GAS1: variants seen among roughly 807,000 people sequenced by gnomAD.
GAS1 encodes growth arrest-specific protein 1.
GAS1 carries 10 observed loss-of-function variants against 21.6 expected under a neutral mutation model. The observed-to-expected ratio is 0.46, with a 90% confidence interval of 0.29 to 0.79. The LOEUF (loss-of-function observed/expected upper bound fraction) is 0.79, where lower values mean the gene tolerates loss of function less well. Ranked by LOEUF, GAS1 falls within the 30% of genes least tolerant of loss-of-function variation. The probability of loss-of-function intolerance (pLI) is 0.10; values close to 1 mark genes in which losing one functional copy is unlikely to be tolerated. For synonymous variants in GAS1, 332 were observed against 264.0 expected, an observed-to-expected ratio of 1.26 and a Z score of -2.50; for missense variants, 567 against 544.3, an observed-to-expected ratio of 1.04 and a Z score of -0.42.
Position 86,945,997 on chromosome 9 carries a change from C to G in GAS1, c.783G>C (p.Leu261=), listed in dbSNP as rs1434021740. ...GPGSSGSDGG[L]DDYYDEDYDD... is the part of the protein sequence containing the mutation. ...CGTAGTCCTCATCGTAGTAGTCGTC[C>G]AGGCCCCCGTCCGAGCCGCTGCTGC... The change falls in exon 1 of 1, where the codon CTG becomes CTC. Residue 261 remains leucine, a synonymous_variant. Coordinates refer to ENST00000298743, the MANE Select transcript of GAS1 (RefSeq NM_002048.3). The G allele has an allele frequency of 6.2e-7, 1 of 1,608,074 alleles. No individual in the cohort carries two copies. The highest frequency in any genetic ancestry group is 8.5e-7 in the Non-Finnish European group (1 of 1,179,204).
In GAS1 at chr9:86,945,931, C is replaced by T; in HGVS notation, c.849G>A (p.Pro283=). Residue 283 remains proline, a synonymous_variant, in exon 1 of 1, where the codon CCG becomes CCA. Coordinates refer to ENST00000298743, the MANE Select transcript of GAS1 (RefSeq NM_002048.3). ...QRTGGAGGEQ[P]LDDDDGVPHP... is the part of the protein sequence containing the mutation. Reference sequence around the variant, plus strand: ...GCGGGACGCCGTCGTCGTCGTCCAGCGGCTGCTCACCACCCGCGCCCCCGG... The same window carrying T: ...GCGGGACGCCGTCGTCGTCGTCCAGTGGCTGCTCACCACCCGCGCCCCCGG... 6.3e-7 allele frequency: 1 copy of T among 1,583,372 alleles called. No individual in the cohort carries two copies. The highest frequency in any genetic ancestry group is 8.6e-7 in the Non-Finnish European group (1 of 1,167,900).
chr9:86,945,973 G>A lies in GAS1; in HGVS notation c.807C>T (p.Tyr269=), dbSNP rs1370910767. 2 of 1,606,274 alleles carry A rather than the reference G, an allele frequency of 1.2e-6. No individual in the cohort carries two copies. Among genetic ancestry groups the A allele is most frequent in the Admixed American group, 1.7e-5 (1 of 59,774 alleles). Residue 269 remains tyrosine (Y), a synonymous_variant, in exon 1 of 1, where the codon TAC becomes TAT. Transcript: ENST00000298743. ...CGCCCCCGGTGCGCTGCTCGTCATCGTAGTCCTCATCGTAGTAGTCGTCCA... is the reference window on the plus strand; with the variant it reads ...CGCCCCCGGTGCGCTGCTCGTCATCATAGTCCTCATCGTAGTAGTCGTCCA... ...GGLDDYYDED[Y]DDEQRTGGAG...
chr9:86,946,702 C>T lies in GAS1; in HGVS notation c.78G>A (p.Ala26=). 1 of 1,403,446 alleles carries T rather than the reference C, an allele frequency of 7.1e-7. No homozygotes were observed. The highest frequency in any genetic ancestry group is 9.3e-7 in the Non-Finnish European group (1 of 1,075,910). 86.9% of individuals were successfully genotyped at this position (1,403,446 alleles called of 1,614,324 possible). ...GCGCCGAGCCCAGCAGCTGCAGCAG[C>T]GCCATCAGGCACAGCCAGGCGCCCG... ...TVPGAWLCLM[A]LLQLLGSAPR... The change falls in exon 1 of 1, where the codon GCG becomes GCA. Residue 26 remains alanine (A), a synonymous_variant. Coordinates refer to ENST00000298743, the MANE Select transcript of GAS1 (RefSeq NM_002048.3). This position sits in a 1 kb window ranked among gnomAD's most constrained non-coding sequence, Gnocchi z 5.2.
Position 86,944,492 on chromosome 9 carries a change from A to G in GAS1, c.*1250T>C, listed in dbSNP as rs777698497. 1 of 152,248 alleles carries G rather than the reference A, an allele frequency of 6.6e-6. No individual in the cohort carries two copies. Among genetic ancestry groups the G allele is most frequent in the Non-Finnish European group, 1.5e-5 (1 of 68,040 alleles). The allele number at this position is 152,248 out of a possible 1,614,324, so 9.4% of individuals were successfully genotyped here. A position where few individuals can be genotyped will look rare whatever the true frequency, so the allele number is the denominator to read the frequency against. ...CATGTCTATAAAAATACAACGTTTA[A>G]GGCAGTTTGGAAATGCATTTGTACA... is the stretch of plus-strand genomic sequence containing the variant. On this transcript the variant is annotated 3_prime_UTR_variant, in exon 1 of 1. Transcript: ENST00000298743.
Position 86,944,786 on chromosome 9 carries a change from G to T in GAS1, c.*956C>A, listed in dbSNP as rs1462324620. On this transcript the variant is annotated 3_prime_UTR_variant, in exon 1 of 1. Transcript: ENST00000298743. The stretch of plus-strand genomic sequence containing the variant: ...TTCTATATACAAAGTACAGCAACTG[G>T]TAACAAACCCCAGTTTTAATACATT... 1 of 152,082 alleles carries T rather than the reference G, an allele frequency of 6.6e-6. No homozygotes were observed. Among genetic ancestry groups the T allele is most frequent in the Non-Finnish European group, 1.5e-5 (1 of 68,030 alleles). 9.4% of individuals were successfully genotyped at this position (152,082 alleles called of 1,614,324 possible). A position where few individuals can be genotyped will look rare whatever the true frequency, so the allele number is the denominator to read the frequency against.
chr9:86,945,978 C>A lies in GAS1; in HGVS notation c.802G>T (p.Asp268Tyr). The A allele has an allele frequency of 6.2e-7, 1 of 1,607,344 alleles. No homozygotes were observed. The highest frequency in any genetic ancestry group is 1.3e-5 in the African/African-American group (1 of 74,984). Residue 268 changes from aspartate (D) to tyrosine (Y), a missense_variant, in exon 1 of 1, where the codon GAC becomes TAC. Coordinates refer to ENST00000298743, the MANE Select transcript of GAS1 (RefSeq NM_002048.3). The stretch of plus-strand genomic sequence containing the variant: ...CCGGTGCGCTGCTCGTCATCGTAGT[C>A]CTCATCGTAGTAGTCGTCCAGGCCC... ...DGGLDDYYDE[D>Y]YDDEQRTGGA...
chr9:86,945,683 A>G lies in GAS1; in HGVS notation c.*59T>C. ...GCCACAGGTGCCCGGCGCGGGGTCG[A>G]GGCGAGCACGGGAGTGGGACGCGGG... On this transcript the variant is annotated 3_prime_UTR_variant, in exon 1 of 1. Transcript: ENST00000298743. 1 of 1,432,698 alleles carries G rather than the reference A, an allele frequency of 7.0e-7. No individual in the cohort carries two copies. The highest frequency in any genetic ancestry group is 3.0e-5 in the East Asian group (1 of 33,700). The allele number at this position is 1,432,698 out of a possible 1,614,324, so 88.7% of individuals were successfully genotyped here. A position where few individuals can be genotyped will look rare whatever the true frequency, so the allele number is the denominator to read the frequency against.
In GAS1 at chr9:86,946,835, C is replaced by A; in HGVS notation, c.-56G>T. The A allele has an allele frequency of 6.2e-6, 3 of 481,666 alleles. No homozygotes were observed. Among genetic ancestry groups the A allele is most frequent in the Non-Finnish European group, 1.1e-5 (3 of 284,986 alleles). The allele number at this position is 481,666 out of a possible 1,614,324, so 29.8% of individuals were successfully genotyped here. A position where few individuals can be genotyped will look rare whatever the true frequency, so the allele number is the denominator to read the frequency against. On this transcript the variant is annotated 5_prime_UTR_variant, in exon 1 of 1. Transcript: ENST00000298743. This position sits in a 1 kb window ranked among gnomAD's most constrained non-coding sequence, Gnocchi z 5.2. ...GGGAAAGGAGACGAGGCGCGGGGAGCGGCGGACGCGGAGCCGGTGGAAAAG... is the reference window on the plus strand; with the variant it reads ...GGGAAAGGAGACGAGGCGCGGGGAGAGGCGGACGCGGAGCCGGTGGAAAAG...
At position 86,946,674 on chromosome 9, in the gene GAS1, G is replaced by C; in HGVS notation, c.106C>G (p.Arg36Gly). ...ALLQLLGSAP[R>G]GSGLAHGRRL... Reference sequence around the variant, plus strand: ...CGGCCGTGCGCCAGCCCCGATCCCCGCGGCGCCGAGCCCAGCAGCTGCAGC... The same window carrying C: ...CGGCCGTGCGCCAGCCCCGATCCCCCCGGCGCCGAGCCCAGCAGCTGCAGC... Residue 36 changes from arginine to glycine, a missense_variant, in exon 1 of 1, where the codon CGG becomes GGG. By Grantham distance (125) the Arg-to-Gly change is moderately radical. Coordinates refer to ENST00000298743, the MANE Select transcript of GAS1 (RefSeq NM_002048.3). This position sits in a 1 kb window ranked among gnomAD's most constrained non-coding sequence, Gnocchi z 5.2. 2 of 1,422,860 alleles carry C rather than the reference G, an allele frequency of 1.4e-6. No individual in the cohort carries two copies. The highest frequency in any genetic ancestry group is 1.8e-6 in the Non-Finnish European group (2 of 1,087,692). 88.1% of individuals were successfully genotyped at this position (1,422,860 alleles called of 1,614,324 possible).
At position 86,945,845 on chromosome 9, in the gene GAS1, C is replaced by G; in HGVS notation, c.935G>C (p.Gly312Ala). 1 of 1,507,190 alleles carries G rather than the reference C, an allele frequency of 6.6e-7. No homozygotes were observed. Among genetic ancestry groups the G allele is most frequent in the Non-Finnish European group, 8.8e-7 (1 of 1,131,716 alleles). The allele number at this position is 1,507,190 out of a possible 1,614,324, so 93.4% of individuals were successfully genotyped here. A position where few individuals can be genotyped will look rare whatever the true frequency, so the allele number is the denominator to read the frequency against. The change falls in exon 1 of 1, where the codon GGG becomes GCG. Residue 312 changes from glycine (G) to alanine (A), a missense_variant. Physicochemically the swap from Gly to Ala is moderately conservative, Grantham distance 60. Coordinates refer to ENST00000298743, the MANE Select transcript of GAS1 (RefSeq NM_002048.3). ...ASGGRGDLPY[G>A]PGRRSSGGGG... ...GCCGCCGCTGCTCCTGCGCCCAGGC[C>G]CATAGGGCAGGTCCCCGCGGCCGCC...
rs1397631477 is a variant in GAS1, at chr9:86,946,411, G to A, written c.369C>T (p.Pro123=). The A allele has an allele frequency of 6.7e-7, 1 of 1,491,558 alleles. No individual in the cohort carries two copies. Among genetic ancestry groups the A allele is most frequent in the Non-Finnish European group, 8.9e-7 (1 of 1,125,126 alleles). The allele number at this position is 1,491,558 out of a possible 1,614,324, so 92.4% of individuals were successfully genotyped here. A position where few individuals can be genotyped will look rare whatever the true frequency, so the allele number is the denominator to read the frequency against. Residue 123 remains proline (P), a synonymous_variant, in exon 1 of 1, where the codon CCC becomes CCT. Coordinates refer to ENST00000298743, the MANE Select transcript of GAS1 (RefSeq NM_002048.3). The surrounding 1 kb of genome is among the most constrained non-coding windows in gnomAD (Gnocchi z 5.2). The part of the protein sequence containing the change: ...LIQLNHTRRG[P]ALEDCDCAQD... ...GCGCGCAGTCACAGTCCTCCAGGGC[G>A]GGCCCGCGGCGCGTGTGGTTGAGCT...
chr9:86,946,544 T>C lies in GAS1; in HGVS notation c.236A>G (p.His79Arg). 1 of 1,404,050 alleles carries C rather than the reference T, an allele frequency of 7.1e-7. No individual in the cohort carries two copies. The highest frequency in any genetic ancestry group is 9.2e-7 in the Non-Finnish European group (1 of 1,083,012). The allele number at this position is 1,404,050 out of a possible 1,614,324, so 87.0% of individuals were successfully genotyped here. A position where few individuals can be genotyped will look rare whatever the true frequency, so the allele number is the denominator to read the frequency against. ...GGCCCCGGGCGCGTCGCCCCCGCCGTGCTGCGCCAGCACCGGCGCGCACGC... is the reference window on the plus strand; with the variant it reads ...GGCCCCGGGCGCGTCGCCCCCGCCGCGCTGCGCCAGCACCGGCGCGCACGC... ...AEACAPVLAQ[H>R]GGGDAPGAAA... Residue 79 changes from histidine (H) to arginine (R), a missense_variant, in exon 1 of 1, where the codon CAC becomes CGC. His to Arg is a conservative substitution (Grantham distance 29, BLOSUM62 0). Transcript: ENST00000298743. The surrounding 1 kb of genome is among the most constrained non-coding windows in gnomAD (Gnocchi z 5.2).
rs1422735918 is a variant in GAS1 at position 86,945,702 on chromosome 9, A to T, written c.*40T>A. On this transcript the variant is annotated 3_prime_UTR_variant, in exon 1 of 1. Coordinates refer to ENST00000298743, the MANE Select transcript of GAS1 (RefSeq NM_002048.3). ...GGGTCGAGGCGAGCACGGGAGTGGGACGCGGGCTCTCCCGCAGCCAACGGC... is the reference window on the plus strand; with the variant it reads ...GGGTCGAGGCGAGCACGGGAGTGGGTCGCGGGCTCTCCCGCAGCCAACGGC... 2.7e-6 allele frequency: 4 copies of T among 1,492,060 alleles called. No individual in the cohort carries two copies. The South Asian group carries it at 5.0e-5, about 19-fold the overall frequency. 92.4% of individuals were successfully genotyped at this position (1,492,060 alleles called of 1,614,324 possible). A position where few individuals can be genotyped will look rare whatever the true frequency, so the allele number is the denominator to read the frequency against.
Position 86,945,995 on chromosome 9 carries a change from T to C in GAS1, c.785A>G (p.Asp262Gly). The C allele has an allele frequency of 6.2e-7, 1 of 1,607,762 alleles. No individual in the cohort carries two copies. The highest frequency in any genetic ancestry group is 1.7e-4 in the Middle Eastern group (1 of 6,054). ...ATCGTAGTCCTCATCGTAGTAGTCG[T>C]CCAGGCCCCCGTCCGAGCCGCTGCT... ...PGSSGSDGGL[D>G]DYYDEDYDDE... Residue 262 changes from aspartate to glycine, a missense_variant, in exon 1 of 1, where the codon GAC (aspartate) becomes GGC (glycine). Asp to Gly is a moderately conservative substitution (Grantham distance 94). Coordinates refer to ENST00000298743, the MANE Select transcript of GAS1 (RefSeq NM_002048.3).
rs539399308 is a variant in GAS1 at position 86,946,821 on chromosome 9, C to G, written c.-42G>C. 7 of 579,220 alleles carry G rather than the reference C, an allele frequency of 1.2e-5. No homozygotes were observed. The South Asian group carries it at 2.6e-4, about 22-fold the overall frequency. The allele number at this position is 579,220 out of a possible 1,614,324, so 35.9% of individuals were successfully genotyped here. A position where few individuals can be genotyped will look rare whatever the true frequency, so the allele number is the denominator to read the frequency against. ...CGCCGGGAGAGGAGGGGAAAGGAGA[C>G]GAGGCGCGGGGAGCGGCGGACGCGG... On this transcript the variant is annotated 5_prime_UTR_variant, in exon 1 of 1. Coordinates refer to ENST00000298743, the MANE Select transcript of GAS1 (RefSeq NM_002048.3). The surrounding 1 kb of genome is among the most constrained non-coding windows in gnomAD (Gnocchi z 5.2).
Position 86,944,785 on chromosome 9 carries a change from G to C in GAS1, c.*957C>G, listed in dbSNP as rs1479265562. 6.6e-6 allele frequency: 1 copy of C among 152,054 alleles called. No individual in the cohort carries two copies. The highest frequency in any genetic ancestry group is 6.5e-5 in the Admixed American group (1 of 15,278). 9.4% of individuals were successfully genotyped at this position (152,054 alleles called of 1,614,324 possible). ...ATTCTATATACAAAGTACAGCAACT[G>C]GTAACAAACCCCAGTTTTAATACAT... On this transcript the variant is annotated 3_prime_UTR_variant, in exon 1 of 1. Transcript: ENST00000298743.
At position 86,946,745 on chromosome 9, in the gene GAS1, G is replaced by T; in HGVS notation, c.35C>A (p.Ala12Asp). Residue 12 changes from alanine (A) to aspartate (D), a missense_variant, in exon 1 of 1, where the codon GCC becomes GAC. Transcript: ENST00000298743. This position sits in a 1 kb window ranked among gnomAD's most constrained non-coding sequence, Gnocchi z 5.2. ...VAALLGGGGE[A>D]RGGTVPGAWL... ...GGCGCCCGGCACTGTCCCCCCGCGG[G>T]CCTCGCCGCCGCCGCCCAGCAGCGC... is the stretch of plus-strand genomic sequence containing the variant. 1.6e-6 allele frequency: 2 copies of T among 1,231,736 alleles called. No individual in the cohort carries two copies. The highest frequency in any genetic ancestry group is 3.4e-5 in the East Asian group (1 of 29,830). The allele number at this position is 1,231,736 out of a possible 1,614,324, so 76.3% of individuals were successfully genotyped here.
Position 86,944,977 on chromosome 9 carries a change from A to G in GAS1, c.*765T>C, listed in dbSNP as rs1563988132. ...TGGCAGTGCAGAGCTTTTTTAAATAAAAAGTTGCATTGTTCAACACCATGG... is the reference window on the plus strand; with the variant it reads ...TGGCAGTGCAGAGCTTTTTTAAATAGAAAGTTGCATTGTTCAACACCATGG... On this transcript the variant is annotated 3_prime_UTR_variant, in exon 1 of 1. Coordinates refer to ENST00000298743, the MANE Select transcript of GAS1 (RefSeq NM_002048.3). The G allele has an allele frequency of 6.6e-6, 1 of 152,208 alleles. No individual in the cohort carries two copies. Among genetic ancestry groups the G allele is most frequent in the African/African-American group, 2.4e-5 (1 of 41,436 alleles). 9.4% of individuals were successfully genotyped at this position (152,208 alleles called of 1,614,324 possible).
chr9:86,946,056 G>T lies in GAS1; in HGVS notation c.724C>A (p.Leu242Met). Residue 242 changes from leucine (L) to methionine (M), a missense_variant, in exon 1 of 1, where the codon CTG becomes ATG. By Grantham distance (15) the Leu-to-Met change is conservative (BLOSUM62 2). Coordinates refer to ENST00000298743, the MANE Select transcript of GAS1 (RefSeq NM_002048.3). The surrounding 1 kb of genome is among the most constrained non-coding windows in gnomAD (Gnocchi z 5.2). Reference protein sequence around the residue: ...CESVKENMARLCFGAELGNGP... With the variant: ...CESVKENMARMCFGAELGNGP... Reference sequence around the variant, plus strand: ...TTGCCCAGCTCGGCGCCGAAGCACAGGCGGGCCATGTTCTCCTTGACCGAC... The same window carrying T: ...TTGCCCAGCTCGGCGCCGAAGCACATGCGGGCCATGTTCTCCTTGACCGAC... The T allele has an allele frequency of 6.2e-7, 1 of 1,607,536 alleles. No homozygotes were observed. The highest frequency in any genetic ancestry group is 8.5e-7 in the Non-Finnish European group (1 of 1,179,552).
Sources: allele counts gnomAD v4.1 joint callset, GRCh38; gene constraint gnomAD v4.1.1; non-coding constraint Gnocchi (gnomAD v3.1); transcripts MANE v1.5; gene names NCBI Gene and HGNC (gene_info 2026-07-23, HGNC 2026-07-21).